The following CTNNA2 variants were observed in gnomAD, a reference collection of about 807,000 sequenced individuals.
CTNNA2 encodes the protein catenin alpha-2.
In CTNNA2, 42 loss-of-function variants were observed where a neutral mutation model predicts 101.0. That is an observed-to-expected ratio of 0.42 (90% CI 0.32 to 0.54). CTNNA2 has a LOEUF of 0.54. Ranked by LOEUF, CTNNA2 falls within the 20% of genes least tolerant of loss-of-function variation. The pLI, the probability that CTNNA2 is intolerant of heterozygous loss-of-function variation, is 0.14. For synonymous variants in CTNNA2, 450 were observed against 456.4 expected (o/e 0.99, Z 0.18); for missense variants, 871 against 1,223.1 (o/e 0.71, Z 4.29).
intron 1 of CTNNA2, among the ~76,000 whole-genome samples, chr2:79,579,500 A>C (rs1442989105): frequency 1.3e-5 from 2 of 152,202 alleles, no homozygotes; most frequent in African/African-American, 4.8e-5. Flanking sequence ...TTTGTCATTC[A>C]AATTAAATAT....
chr2:80,623,591 G>A (rs1378942239), intron 18 of CTNNA2, among the ~76,000 whole-genome samples: 1 of 151,934 alleles, frequency 6.6e-6, no homozygotes, highest in Non-Finnish European at 1.5e-5. Context: ...AGTTTAATGA[G>A]TAGCATTGAA....
chr2:79,580,704 A>G (rs186001479), intron 1 of CTNNA2, among the ~76,000 whole-genome samples: 2 of 152,340 alleles, frequency 1.3e-5, no homozygotes, highest in Admixed American at 1.3e-4. Flanking sequence ...ATATAAGGAA[A>G]TGTATGAAGA....
intron 7 of CTNNA2, among the ~76,000 whole-genome samples, chr2:80,011,589 T>A (rs1693788648): frequency 9.8e-6 from 1 of 102,006 alleles, no homozygotes; most frequent in Non-Finnish European, 2.6e-5. Context: ...GAGTGTCCAG[T>A]GAGGGAGTTA....
At chr2:79,494,848 C>A (rs767139074) in intron 4 of CTNNA2, among the ~76,000 whole-genome samples, 10 of 152,082 alleles carry the variant, frequency 6.6e-5, no homozygotes, top group Non-Finnish European at 1.3e-4. Flanking sequence ...TGGTGGCTCA[C>A]GTCTGTAATT....
intron 1 of CTNNA2, among the ~76,000 whole-genome samples, chr2:79,551,337 G>T (rs555314617): frequency 6.6e-6 from 1 of 152,144 alleles, no homozygotes; most frequent in Non-Finnish European, 1.5e-5. Flanking sequence ...AGATAAAAGA[G>T]GCAAGAGGTT....
intron 7 of CTNNA2, among the ~76,000 whole-genome samples, chr2:80,254,634 G>A (rs558446017): frequency 6.6e-6 from 1 of 152,168 alleles, no homozygotes; most frequent in East Asian, 1.9e-4. Context: ...TGGTCGTTTT[G>A]ATATACATTG....
chr2:79,265,755 G>T (rs1209897171), intron 2 of CTNNA2, among the ~76,000 whole-genome samples: 1 of 152,168 alleles, frequency 6.6e-6, no homozygotes, highest in African/African-American at 2.4e-5. Context: ...TTCAATATTT[G>T]TTTGTGTATA....
chr2:80,452,709 G>A (rs1219174502), intron 9 of CTNNA2, among the ~76,000 whole-genome samples: 1 of 151,558 alleles, frequency 6.6e-6, no homozygotes, highest in African/African-American at 2.4e-5. Context: ...TAGATAAAAA[G>A]AAATCTAGGA....
At chr2:79,480,155 A>G (rs1671093929) in intron 4 of CTNNA2, among the ~76,000 whole-genome samples, 1 of 151,996 alleles carries the variant, frequency 6.6e-6, no homozygotes, top group Admixed American at 6.6e-5. Flanking sequence ...CTTTTTAACA[A>G]TCAGCTCTCT....
intron 1 of CTNNA2, among the ~76,000 whole-genome samples, chr2:79,629,281 A>T (rs1018375737): frequency 6.6e-6 from 1 of 152,178 alleles, no homozygotes; most frequent in African/African-American, 2.4e-5. Flanking sequence ...AAAGGTACTG[A>T]CCTATCTTCA....
intron 7 of CTNNA2, among the ~76,000 whole-genome samples, chr2:80,005,100 G>A (rs889944923): frequency 3.9e-5 from 6 of 152,168 alleles, no homozygotes; most frequent in Non-Finnish European, 7.3e-5. Flanking sequence ...AGGCTGGAAT[G>A]GTACTGGTTG....
chr2:80,276,524 C>T (rs1168484274), intron 7 of CTNNA2, among the ~76,000 whole-genome samples: 1 of 152,148 alleles, frequency 6.6e-6, no homozygotes, highest in Non-Finnish European at 1.5e-5. Context: ...ATTCTGCAGA[C>T]TCTATAAGAA....
chr2:79,871,431 A>C (rs983476597), intron 5 of CTNNA2, among the ~76,000 whole-genome samples: 3 of 152,216 alleles, frequency 2.0e-5, no homozygotes, highest in Non-Finnish European at 2.9e-5. Context: ...AGAGAGATAG[A>C]GAGCCCCAGG....
intron 4 of CTNNA2, among the ~76,000 whole-genome samples, chr2:79,426,018 A>G (rs1019068069): frequency 1.3e-5 from 2 of 152,168 alleles, no homozygotes; most frequent in Admixed American, 1.3e-4. Context: ...TGTATATAAA[A>G]GTTGTAGGAT....
At chr2:80,477,432 A>T (rs139912133) in intron 9 of CTNNA2, among the ~76,000 whole-genome samples, 1 of 152,184 alleles carries the variant, frequency 6.6e-6, no homozygotes, top group East Asian at 1.9e-4. Context: ...TAGCGGCAAA[A>T]TCTGGGCTTT....
At chr2:79,353,945 G>A (rs1194207962) in intron 3 of CTNNA2, among the ~76,000 whole-genome samples, 2 of 152,028 alleles carry the variant, frequency 1.3e-5, no homozygotes, top group African/African-American at 4.8e-5. Flanking sequence ...AGTTTTGCAG[G>A]AAATTAAATT....
At chr2:79,207,335 G>C (rs960856674) in intron 2 of CTNNA2, among the ~76,000 whole-genome samples, 9 of 152,124 alleles carry the variant, frequency 5.9e-5, no homozygotes, top group Non-Finnish European at 1.3e-4. Context: ...TAGTCCAGTA[G>C]GAGACCACCA....
At chr2:80,055,386 T>C (rs1231869868) in intron 7 of CTNNA2, among the ~76,000 whole-genome samples, 1 of 152,124 alleles carries the variant, frequency 6.6e-6, no homozygotes, top group Admixed American at 6.6e-5. Context: ...GTTGGGAGCA[T>C]GTACATTTCA....
At chr2:79,323,146 A>C (rs1468363476) in intron 3 of CTNNA2, among the ~76,000 whole-genome samples, 1 of 152,122 alleles carries the variant, frequency 6.6e-6, no homozygotes, top group Non-Finnish European at 1.5e-5. Flanking sequence ...CCCCTGCCAA[A>C]CCTGATCACA....
Sources: allele counts gnomAD v4.1 joint callset (sites outside exome capture counted in the v4.1 genomes callset), GRCh38; gene constraint gnomAD v4.1.1; transcripts MANE v1.5; gene names NCBI Gene and HGNC (gene_info 2026-07-23, HGNC 2026-07-21).